The following MYOCD variants were observed in gnomAD, a reference collection of about 807,000 sequenced individuals.
The protein encoded by MYOCD is myocardin.
A neutral mutation model predicts 96.1 loss-of-function variants in MYOCD; 32 were observed. The observed-to-expected ratio is 0.33, with a 90% confidence interval of 0.25 to 0.45. The LOEUF (loss-of-function observed/expected upper bound fraction) is 0.45, where lower values mean the gene tolerates loss of function less well. MYOCD is among the 20% of genes least tolerant of loss of function. MYOCD has a pLI of 1.00. For missense variants in MYOCD, 1,133 were observed against 1,200.6 expected, an observed-to-expected ratio of 0.94 and a Z score of 0.83; for synonymous variants, 469 against 469.0, an observed-to-expected ratio of 1.00 and a Z score of 0.00.
chr17:12,724,182 AG>A (rs2031929849), intron 5 of MYOCD, among the ~76,000 whole-genome samples: 1 of 152,146 alleles, frequency 6.6e-6, no homozygotes, highest in Admixed American at 6.5e-5. Context: ...AATCTCCATC[AG>A]GCATCTCTTA....
At chr17:12,720,458 C>T (rs1411323530) in intron 4 of MYOCD, 1 of 152,066 alleles carries the variant, frequency 6.6e-6, no homozygotes, top group Non-Finnish European at 1.5e-5. Context: ...TGACAAAGAA[C>T]CAGGTATATA....
At chr17:12,700,658 C>T (rs2150669038) in intron 1 of MYOCD, among the ~76,000 whole-genome samples, 1 of 151,904 alleles carries the variant, frequency 6.6e-6, no homozygotes, top group East Asian at 1.9e-4. Flanking sequence ...TCGTGATCCA[C>T]CCGTCTGGGC....
At chr17:12,674,306 T>G (rs761301167) in intron 1 of MYOCD, among the ~76,000 whole-genome samples, 10 of 152,210 alleles carry the variant, frequency 6.6e-5, no homozygotes, top group Non-Finnish European at 1.0e-4. Flanking sequence ...ATGTGCCTCT[T>G]TCTGGGCTAC....
At chr17:12,759,214 G>C (rs1483364814) in intron 12 of MYOCD, among the ~76,000 whole-genome samples, 1 of 152,164 alleles carries the variant, frequency 6.6e-6, no homozygotes, top group Non-Finnish European at 1.5e-5. Context: ...TCAGCCTGCA[G>C]TTAAGTTTTG....
intron 2 of MYOCD, chr17:12,710,422 T>C: frequency 1.3e-6 from 1 of 751,610 alleles, no homozygotes; most frequent in Non-Finnish European, 1.6e-6. Context: ...GGTTTCATGA[T>C]CTGATCAATG....
intron 1 of MYOCD, among the ~76,000 whole-genome samples, chr17:12,695,345 A>G (rs1455243914): frequency 6.6e-6 from 1 of 152,168 alleles, no homozygotes; most frequent in Non-Finnish European, 1.5e-5. Context: ...CCAATCCCAA[A>G]TATGAGGGCT....
intron 8 of MYOCD, among the ~76,000 whole-genome samples, chr17:12,744,892 A>G (rs2032617195): frequency 6.6e-6 from 1 of 152,204 alleles, no homozygotes. Flanking sequence ...GGACACAACT[A>G]TTTTTGAACT....
chr17:12,742,445 AG>A (rs1486492677), intron 7 of MYOCD, among the ~76,000 whole-genome samples: 2 of 152,048 alleles, frequency 1.3e-5, no homozygotes, highest in African/African-American at 4.8e-5. Context: ...GCTGTTCAGG[AG>A]CCCCCTCTTC....
intron 2 of MYOCD, among the ~76,000 whole-genome samples, chr17:12,714,354 C>CACACAT (rs1374833533): frequency 1.3e-5 from 2 of 151,710 alleles, no homozygotes; most frequent in Non-Finnish European, 2.9e-5. Flanking sequence ...CACACACACA[C>CACACAT]ACACACACCC....
At chr17:12,754,437 G>T (rs139652224) in intron 10 of MYOCD, among the ~76,000 whole-genome samples, 32 of 152,274 alleles carry the variant, frequency 2.1e-4, no homozygotes, top group Admixed American at 1.2e-3. Context: ...AGCCAGGGAC[G>T]TTTAGCAAAA....
At chr17:12,677,007 A>G (rs1176706165) in intron 1 of MYOCD, among the ~76,000 whole-genome samples, 1 of 152,240 alleles carries the variant, frequency 6.6e-6, no homozygotes, top group Non-Finnish European at 1.5e-5. Flanking sequence ...GATGTACTCA[A>G]TAAATGGTAG....
intron 1 of MYOCD, among the ~76,000 whole-genome samples, chr17:12,701,454 A>G (rs1240292576): frequency 6.6e-6 from 1 of 152,148 alleles, no homozygotes; most frequent in Non-Finnish European, 1.5e-5. Context: ...TCTAGTTAGG[A>G]GTTTGACAGT....
At chr17:12,671,530 C>T (rs1200219364) in intron 1 of MYOCD, among the ~76,000 whole-genome samples, 1 of 152,142 alleles carries the variant, frequency 6.6e-6, no homozygotes, top group Non-Finnish European at 1.5e-5. Context: ...AAACAAAGGT[C>T]ATCTATGGCT....
intron 1 of MYOCD, among the ~76,000 whole-genome samples, chr17:12,668,839 C>G (rs557213512): frequency 1.7e-4 from 26 of 151,722 alleles, no homozygotes; most frequent in Admixed American, 1.7e-3. Context: ...AATGCCCAGG[C>G]CTTAGAAGGC....
At chr17:12,683,629 A>T (rs1002617770) in intron 1 of MYOCD, among the ~76,000 whole-genome samples, 7 of 152,156 alleles carry the variant, frequency 4.6e-5, no homozygotes, top group Non-Finnish European at 8.8e-5. Flanking sequence ...GGCAAATTAA[A>T]TGCTGTGGGC....
chr17:12,724,509 C>T (rs931484017), intron 5 of MYOCD, among the ~76,000 whole-genome samples: 1 of 152,008 alleles, frequency 6.6e-6, no homozygotes, highest in Non-Finnish European at 1.5e-5. Flanking sequence ...TTGTCCTTCA[C>T]TTTTTATTTT....
At chr17:12,739,442 C>G in intron 7 of MYOCD, 114 bp downstream of exon 7, 3 of 1,249,176 alleles carry the variant, frequency 2.4e-6, no homozygotes, top group Non-Finnish European at 3.2e-6. Context: ...ACGGAGGACC[C>G]AGGCAGAGGT....
At chr17:12,666,682 C>CA (rs962154058) in intron 1 of MYOCD, among the ~76,000 whole-genome samples, 1 of 151,568 alleles carries the variant, frequency 6.6e-6, no homozygotes, top group Non-Finnish European at 1.5e-5. Context: ...ATGTATTTCC[C>CA]AAAAAAAGTC....
chr17:12,746,785 G>A (rs1217131596), intron 9 of MYOCD, among the ~76,000 whole-genome samples: 1 of 143,436 alleles, frequency 7.0e-6, no homozygotes, highest in African/African-American at 2.6e-5. Context: ...CTGGAGTGCA[G>A]TGGCACAATC....
Sources: allele counts gnomAD v4.1 joint callset (sites outside exome capture counted in the v4.1 genomes callset), GRCh38; gene constraint gnomAD v4.1.1; transcripts MANE v1.5; gene names NCBI Gene and HGNC (gene_info 2026-07-23, HGNC 2026-07-21).